ADAMTS19: variants seen among roughly 807,000 people sequenced by gnomAD.
ADAMTS19 encodes the protein A disintegrin and metalloproteinase with thrombospondin motifs 19.
In ADAMTS19, 93 loss-of-function variants were observed where a neutral mutation model predicts 153.3. The observed-to-expected ratio is 0.61, with a 90% CI of 0.51 to 0.72. ADAMTS19 has a LOEUF of 0.72. Among genes scored for constraint, ADAMTS19 ranks in the 30% least tolerant of loss-of-function variants. ADAMTS19 has a pLI of 0.00. For missense variants in ADAMTS19, 1,482 were observed against 1,552.1 expected (o/e 0.95, Z 0.76); for synonymous variants, 600 against 556.6 (o/e 1.08, Z -1.10).
intron 7 of ADAMTS19, among the ~76,000 whole-genome samples, chr5:129,552,972 A>G (rs1753181496): frequency 2.0e-5 from 3 of 152,014 alleles, no homozygotes; most frequent in African/African-American, 7.2e-5. Context: ...ACCTAAGGAA[A>G]AGCGGAATTG....
chr5:129,676,557 G>A lies in ADAMTS19; in HGVS notation c.2507-3207G>A, dbSNP rs148194963. ...AAGCAGAAAGCCAAGCAGTTTTAGAGATCAAATCATTTGGTCTTCTCTTAG... is the reference window on the plus strand; with the variant it reads ...AAGCAGAAAGCCAAGCAGTTTTAGAAATCAAATCATTTGGTCTTCTCTTAG... On this transcript the variant is annotated intron_variant, in intron 16 of 22. Transcript: ENST00000274487. 3.4e-4 allele frequency among the ~76,000 whole-genome samples: 51 copies of A among 152,136 alleles called. 1 individual carries two copies. The highest frequency in any genetic ancestry group is 1.2e-3 in the African/African-American group (49 of 41,536).
At chr5:129,697,535 T>C (rs1340558386) in intron 19 of ADAMTS19, among the ~76,000 whole-genome samples, 1 of 152,238 alleles carries the variant, frequency 6.6e-6, no homozygotes, top group African/African-American at 2.4e-5. Context: ...TCTTCAGTAA[T>C]GTCATGTTCT....
chr5:129,491,096 G>A (rs973171041), intron 2 of ADAMTS19, among the ~76,000 whole-genome samples: 2 of 152,108 alleles, frequency 1.3e-5, no homozygotes, highest in African/African-American at 4.8e-5. Context: ...CCACCTCCCA[G>A]GTTCACGCCA....
intron 10 of ADAMTS19, among the ~76,000 whole-genome samples, chr5:129,626,814 T>A (rs1752071961): frequency 2.0e-5 from 3 of 152,068 alleles, no homozygotes; most frequent in Non-Finnish European, 4.4e-5. Context: ...CAAATGCATA[T>A]CTAATATGTT....
At chr5:129,586,310 T>G (rs1253498061) in intron 7 of ADAMTS19, among the ~76,000 whole-genome samples, 1 of 152,224 alleles carries the variant, frequency 6.6e-6, no homozygotes, top group Non-Finnish European at 1.5e-5. Context: ...TAAAAAATCT[T>G]CTGTGTTCCA....
At chr5:129,627,255 A>G (rs1752090292) in intron 10 of ADAMTS19, among the ~76,000 whole-genome samples, 1 of 152,096 alleles carries the variant, frequency 6.6e-6, no homozygotes, top group Non-Finnish European at 1.5e-5. Context: ...GAAAGAAGAA[A>G]TAAAATGCCG....
intron 8 of ADAMTS19, among the ~76,000 whole-genome samples, chr5:129,608,110 GTGTGTGTATA>G (rs1561599319): frequency 2.8e-5 from 1 of 36,242 alleles, no homozygotes; most frequent in African/African-American, 6.1e-5. Flanking sequence ...GTGTGTGTGT[GTGTGTGTATA>G]TATATATATA....
intron 21 of ADAMTS19, among the ~76,000 whole-genome samples, chr5:129,718,150 T>C (rs144877281): frequency 1.3e-5 from 2 of 152,304 alleles, no homozygotes; most frequent in East Asian, 3.9e-4. Context: ...TTTTCTTCCA[T>C]TGTTGTGGTG....
At chr5:129,608,990 C>A (rs939118219) in intron 8 of ADAMTS19, among the ~76,000 whole-genome samples, 1 of 152,118 alleles carries the variant, frequency 6.6e-6, no homozygotes, top group South Asian at 2.1e-4. Context: ...ATATGCTCTT[C>A]TAGAAATACA....
At chr5:129,555,016 G>A (rs943762204) in intron 7 of ADAMTS19, among the ~76,000 whole-genome samples, 1 of 152,056 alleles carries the variant, frequency 6.6e-6, no homozygotes, top group Admixed American at 6.6e-5. Flanking sequence ...GTAATCCAAA[G>A]GGATATATTT....
At chr5:129,675,598 GT>G (rs1754515858) in intron 16 of ADAMTS19, among the ~76,000 whole-genome samples, 1 of 151,968 alleles carries the variant, frequency 6.6e-6, no homozygotes, top group African/African-American at 2.4e-5. Context: ...TATCATTACA[GT>G]TATTATATAT....
chr5:129,620,719 G>A lies in ADAMTS19; in HGVS notation c.1580G>A (p.Trp527Ter). The A allele has an allele frequency of 6.2e-7, 1 of 1,612,900 alleles. No individual in the cohort carries two copies. The highest frequency in any genetic ancestry group is 8.5e-7 in the Non-Finnish European group (1 of 1,179,252). ...IKGQNLGDVS[W>*]SRCSKEDLER... ...GGACAGAATCTTGGTGACGTTTCATGGTCTCGATGTAGCAAGGAAGATTTG... is the reference window on the plus strand; with the variant it reads ...GGACAGAATCTTGGTGACGTTTCATAGTCTCGATGTAGCAAGGAAGATTTG... The change falls in exon 9 of 23, where the codon TGG (tryptophan) becomes TAG (stop). Residue 527 changes from tryptophan to a stop codon, truncating the protein, a stop_gained. Transcript: ENST00000274487. LOFTEE classifies it high-confidence loss of function.
At chr5:129,574,309 AAAAT>A (rs1370549229) in intron 7 of ADAMTS19, among the ~76,000 whole-genome samples, 9 of 152,056 alleles carry the variant, frequency 5.9e-5, no homozygotes, top group Non-Finnish European at 1.0e-4. Flanking sequence ...ATTTCTTCTA[AAAAT>A]AAATAAATAA....
At chr5:129,697,180 T>C (rs1212809824) in intron 19 of ADAMTS19, among the ~76,000 whole-genome samples, 2 of 152,192 alleles carry the variant, frequency 1.3e-5, no homozygotes, top group East Asian at 3.9e-4. Context: ...ATTTGGTTAG[T>C]CTTAGGATCT....
chr5:129,558,093 C>T (rs1254037984), intron 7 of ADAMTS19, among the ~76,000 whole-genome samples: 1 of 104,272 alleles, frequency 9.6e-6, no homozygotes, highest in Non-Finnish European at 2.1e-5. Context: ...ACTTTATTAA[C>T]CAGTAGAAGT....
intron 16 of ADAMTS19, 40 bp downstream of exon 16, chr5:129,665,619 G>A (rs763137696): frequency 2.0e-6 from 3 of 1,491,114 alleles, no homozygotes; most frequent in South Asian, 1.2e-5. Context: ...CCAAGTACGA[G>A]CCCAACTCCC....
chr5:129,488,551 A>C (rs184945787), intron 2 of ADAMTS19, among the ~76,000 whole-genome samples: 8 of 152,216 alleles, frequency 5.3e-5, no homozygotes, highest in Non-Finnish European at 1.2e-4. Context: ...CAGGTTTTTA[A>C]TGTTACAATT....
At chr5:129,682,218 G>A (rs1309106587) in intron 17 of ADAMTS19, among the ~76,000 whole-genome samples, 3 of 152,086 alleles carry the variant, frequency 2.0e-5, no homozygotes, top group Non-Finnish European at 4.4e-5. Flanking sequence ...TATGTGACCT[G>A]GATTTATTCA....
chr5:129,525,207 T>C (rs1489234991), intron 3 of ADAMTS19, among the ~76,000 whole-genome samples: 1 of 152,120 alleles, frequency 6.6e-6, no homozygotes, highest in African/African-American at 2.4e-5. Flanking sequence ...TATTCAACTT[T>C]AGTAGACCCT....
Sources: gnomAD v4.1 joint callset for allele counts (sites outside exome capture counted in the v4.1 genomes callset) on GRCh38, gnomAD v4.1.1 for gene constraint, MANE v1.5 for transcripts, NCBI Gene and HGNC (gene_info 2026-07-23, HGNC 2026-07-21) for gene names.